RASSF3: variants seen among roughly 807,000 people sequenced by gnomAD.
The protein encoded by RASSF3 is ras association domain-containing protein 3.
RASSF3 carries 19 observed loss-of-function variants against 19.9 expected under a neutral mutation model. That is an observed-to-expected ratio of 0.96 (90% CI 0.67 to 1.40). The LOEUF is 1.40. Among genes scored for constraint, RASSF3 ranks in the 40% most tolerant of loss-of-function variants. The pLI is 0.00. For missense variants in RASSF3, 306 were observed against 289.8 expected (o/e 1.06, Z -0.41); for synonymous variants, 110 against 104.2 (o/e 1.06, Z -0.34).
chr12:64,691,751 A>G (rs575906861), intron 4 of RASSF3, among the ~76,000 whole-genome samples, 172 bp downstream of exon 4: 8 of 42,258 alleles, frequency 1.9e-4, no homozygotes, highest in Non-Finnish European at 3.8e-4. Flanking sequence ...GGGATTTTGA[A>G]TTGTCAGAAA....
intron 2 of RASSF3, among the ~76,000 whole-genome samples, chr12:64,573,700 A>C (rs1193292790): frequency 2.0e-5 from 3 of 152,190 alleles, no homozygotes; most frequent in African/African-American, 7.2e-5. Context: ...CAGCCTTCAC[A>C]ACATGGCAGC....
upstream of RASSF3, among the ~76,000 whole-genome samples, chr12:64,610,159 G>T (rs960668759): frequency 6.6e-6 from 1 of 152,150 alleles, no homozygotes; most frequent in African/African-American, 2.4e-5. Flanking sequence ...TCCGAAACTC[G>T]AGCCAGCGAG....
At chr12:64,569,801 A>G (rs1053476997) in intron 2 of RASSF3, among the ~76,000 whole-genome samples, 2 of 152,196 alleles carry the variant, frequency 1.3e-5, no homozygotes, top group African/African-American at 2.4e-5. Flanking sequence ...CCTTGTTTCT[A>G]CTAAAAATAC....
At chr12:64,595,870 T>C (rs1869991998) in intron 2 of RASSF3, among the ~76,000 whole-genome samples, 1 of 152,140 alleles carries the variant, frequency 6.6e-6, no homozygotes, top group African/African-American at 2.4e-5. Context: ...GAAACTAGAA[T>C]CTCTCTTCCC....
At chr12:64,517,117 A>G (rs1390815595) in intron 1 of RASSF3, among the ~76,000 whole-genome samples, 1 of 152,026 alleles carries the variant, frequency 6.6e-6, no homozygotes, top group Non-Finnish European at 1.5e-5. Context: ...AATAACCAAG[A>G]ATAACAAAAA....
intron 1 of RASSF3, among the ~76,000 whole-genome samples, chr12:64,511,918 C>T (rs997293625): frequency 3.9e-5 from 6 of 152,176 alleles, no homozygotes; most frequent in Non-Finnish European, 8.8e-5. Context: ...TTCACCCCTT[C>T]CTGCCCCATG....
intron 1 of RASSF3, among the ~76,000 whole-genome samples, chr12:64,618,528 C>T (rs929129534): frequency 3.9e-5 from 6 of 152,030 alleles, no homozygotes; most frequent in Non-Finnish European, 8.8e-5. Context: ...GGGGTTATAC[C>T]ATGTTGGCCA....
chr12:64,609,758 G>A (rs1870269565), upstream of RASSF3, among the ~76,000 whole-genome samples: 1 of 152,038 alleles, frequency 6.6e-6, no homozygotes, highest in South Asian at 2.1e-4. Flanking sequence ...ACATTTAATT[G>A]ATAAGCACTC....
Position 64,619,979 on chromosome 12 carries a change from CA to C in RASSF3, c.111+9252del, listed in dbSNP as rs67795096. Among the ~76,000 whole-genome samples the C allele has an allele frequency of 7.8e-3, 800 of 102,108 alleles. 1 individual carries two copies. The highest frequency in any genetic ancestry group is 9.9e-3 in the African/African-American group (245 of 24,856). The allele number at this position is 102,108 out of a possible 152,430, so 67.0% of individuals were successfully genotyped here. A position where few individuals can be genotyped will look rare whatever the true frequency, so the allele number is the denominator to read the frequency against. On this transcript the variant is annotated intron_variant, in intron 1 of 4. Transcript: ENST00000542104. ...TGGGCAACAGAGTGAGACTTTATAT[CA>C]AAAAAAAAAAAAAAAGAAATTAGTG... is the stretch of plus-strand genomic sequence containing the variant.
At chr12:64,680,275 C>T (rs983755419) in intron 1 of RASSF3, among the ~76,000 whole-genome samples, 2 of 152,126 alleles carry the variant, frequency 1.3e-5, no homozygotes, top group Non-Finnish European at 2.9e-5. Context: ...AATGAAACCA[C>T]TGTCCTCTGT....
At chr12:64,610,858 G>A in intron 1 of RASSF3, 115 bp downstream of exon 1, 1 of 560,816 alleles carries the variant, frequency 1.8e-6, no homozygotes, top group South Asian at 2.5e-5. Context: ...TGCTCGCCGG[G>A]AAGGAGGAGC....
intron 1 of RASSF3, among the ~76,000 whole-genome samples, chr12:64,645,543 A>C (rs986365789): frequency 6.6e-6 from 1 of 151,340 alleles, no homozygotes; most frequent in South Asian, 2.1e-4. Flanking sequence ...AAATAAAGAA[A>C]TTTTTTTTTA....
intron 1 of RASSF3, among the ~76,000 whole-genome samples, chr12:64,665,563 C>T (rs181948710): frequency 3.3e-5 from 5 of 152,224 alleles, no homozygotes; most frequent in East Asian, 1.9e-4. Context: ...CCATAAGACA[C>T]GCCCACCAGT....
intron 1 of RASSF3, among the ~76,000 whole-genome samples, chr12:64,666,141 G>A (rs1182615402): frequency 1.3e-5 from 2 of 152,218 alleles, no homozygotes; most frequent in African/African-American, 4.8e-5. Flanking sequence ...TTGCTCATAT[G>A]TGTTTTACAT....
At position 64,610,787 on chromosome 12, in the gene RASSF3, C is replaced by G. The variant is rs757310093; in HGVS notation, c.111+44C>G. The G allele has an allele frequency of 5.2e-6, 7 of 1,346,208 alleles. No homozygotes were observed. In the Admixed American group the frequency reaches 8.2e-5, roughly 16 times the overall value. 83.4% of individuals were successfully genotyped at this position (1,346,208 alleles called of 1,614,324 possible). A position where few individuals can be genotyped will look rare whatever the true frequency, so the allele number is the denominator to read the frequency against. On this transcript the variant is annotated intron_variant, in intron 1 of 4. Transcript: ENST00000542104. ...GCGCTGCAGCCCGCGCCCCAGAGTT[C>G]CGGGGAACCCGCCAGCCCGCGCCCC...
intron 2 of RASSF3, among the ~76,000 whole-genome samples, chr12:64,589,606 CT>C (rs565645869): frequency 7.7e-4 from 115 of 148,658 alleles, no homozygotes; most frequent in African/African-American, 1.9e-3. Flanking sequence ...AAATCAACAA[CT>C]TTTTTTTTTT....
intron 2 of RASSF3, among the ~76,000 whole-genome samples, chr12:64,550,524 G>A (rs1210341090): frequency 6.6e-6 from 1 of 151,312 alleles, no homozygotes; most frequent in Admixed American, 6.6e-5. Context: ...AATTAGCCAG[G>A]TGTGGTGGTG....
chr12:64,547,180 G>C (rs772450928), intron 2 of RASSF3, among the ~76,000 whole-genome samples: 39 of 151,490 alleles, frequency 2.6e-4, no homozygotes, highest in Non-Finnish European at 1.5e-4. Flanking sequence ...ACTGAGGCAC[G>C]AGAATTGCTT....
At chr12:64,620,283 T>C (rs2136162431) in intron 1 of RASSF3, among the ~76,000 whole-genome samples, 1 of 152,282 alleles carries the variant, frequency 6.6e-6, no homozygotes, top group Non-Finnish European at 1.5e-5. Flanking sequence ...TCCTTCCTTT[T>C]AAAGGCTGAA....
Sources: allele counts gnomAD v4.1 joint callset (sites outside exome capture counted in the v4.1 genomes callset), GRCh38; gene constraint gnomAD v4.1.1; transcripts MANE v1.5; gene names NCBI Gene and HGNC (gene_info 2026-07-23, HGNC 2026-07-21).